Variants in ANO3 observed in about 807,000 individuals in gnomAD.
ANO3 encodes the protein anoctamin-3.
In ANO3, 99 loss-of-function variants were observed where a neutral mutation model predicts 144.8. The ratio of observed to expected loss-of-function variants is 0.68; its 90% CI spans 0.58 to 0.81. ANO3 has a LOEUF of 0.81. Ranked by LOEUF, ANO3 falls within the 30% of genes least tolerant of loss-of-function variation. ANO3 has a pLI of 0.00. For missense variants in ANO3, 905 were observed against 1,202.2 expected, an observed-to-expected ratio of 0.75 and a Z score of 3.66; for synonymous variants, 414 against 392.6, an observed-to-expected ratio of 1.05 and a Z score of -0.64.
intron 1 of ANO3, among the ~76,000 whole-genome samples, chr11:26,421,257 C>G (rs1431200554): frequency 6.6e-6 from 1 of 152,024 alleles, no homozygotes; most frequent in Non-Finnish European, 1.5e-5. Flanking sequence ...AAAATGGCTA[C>G]ATAGCTCAAG....
chr11:26,509,245 C>T (rs1017824701), intron 5 of ANO3, among the ~76,000 whole-genome samples: 7 of 152,120 alleles, frequency 4.6e-5, no homozygotes, highest in South Asian at 2.1e-4. Context: ...ATTTACCCAG[C>T]TGTTCCGCTA....
At chr11:26,388,480 A>C (rs918076605) in intron 1 of ANO3, among the ~76,000 whole-genome samples, 1 of 152,172 alleles carries the variant, frequency 6.6e-6, no homozygotes, top group African/African-American at 2.4e-5. Flanking sequence ...TTTTATCTTT[A>C]TAATACCCCT....
In ANO3 at chr11:26,343,513, A is replaced by G. The variant is rs191399466; in HGVS notation, c.46+11192A>G. On this transcript the variant is annotated intron_variant, in intron 1 of 26. Coordinates refer to ENST00000256737, the MANE Select transcript of ANO3 (RefSeq NM_031418.4). ...GCCAATTTACATTTCCACCAAGAGTATGTAAGGATTCCCCTTTCTTCACAT... is the reference window on the plus strand; with the variant it reads ...GCCAATTTACATTTCCACCAAGAGTGTGTAAGGATTCCCCTTTCTTCACAT... Among the ~76,000 whole-genome samples, 10 of 152,326 alleles carry G rather than the reference A, an allele frequency of 6.6e-5. No homozygotes were observed. The East Asian group carries it at 1.9e-3, about 29-fold the overall frequency.
chr11:26,452,794 T>G (rs199822130), intron 3 of ANO3, among the ~76,000 whole-genome samples: 1 of 152,018 alleles, frequency 6.6e-6, no homozygotes, highest in Non-Finnish European at 1.5e-5. Context: ...TCACCAAAGT[T>G]AAATGAAGGA....
Position 26,236,589 on chromosome 11 carries a change from T to C in ANO3, c.154+47259T>C, listed in dbSNP as rs562517006. 1.6e-3 allele frequency among the ~76,000 whole-genome samples: 249 copies of C among 152,048 alleles called. 1 individual carries two copies. Among genetic ancestry groups the C allele is most frequent in the African/African-American group, 4.8e-3 (198 of 41,494 alleles). Reference sequence around the variant, plus strand: ...ATCCCAGCACTTTGGGAGGCCAAGGTGGGCGGATCACGAGGTCAGGAGACC... The same window carrying C: ...ATCCCAGCACTTTGGGAGGCCAAGGCGGGCGGATCACGAGGTCAGGAGACC... On this transcript the variant is annotated intron_variant, in intron 1 of 27. Coordinates refer to the ANO3 transcript ENST00000672621.
At chr11:26,657,829 T>C (rs1853741248) in intron 26 of ANO3, among the ~76,000 whole-genome samples, 1 of 152,224 alleles carries the variant, frequency 6.6e-6, no homozygotes, top group Admixed American at 6.5e-5. Context: ...TAGAACATTT[T>C]TTCTGTCTTC....
chr11:26,480,715 G>GAA (rs767201219), intron 4 of ANO3, among the ~76,000 whole-genome samples: 11,420 of 152,098 alleles, frequency 0.075, 603 homozygotes, highest in Admixed American at 0.13. Context: ...GGCTGAGGCA[G>GAA]GTTCATCAAT....
intron 4 of ANO3, among the ~76,000 whole-genome samples, chr11:26,497,859 T>C (rs909362739): frequency 6.6e-6 from 1 of 152,092 alleles, no homozygotes; most frequent in African/African-American, 2.4e-5. Context: ...AACTTGATCT[T>C]TTAGCATATA....
intron 9 of ANO3, 126 bp downstream of exon 9, chr11:26,534,688 C>T: frequency 1.7e-6 from 1 of 597,212 alleles, no homozygotes; most frequent in Non-Finnish European, 2.9e-6. Flanking sequence ...ATATTGAACA[C>T]ACACTCTATA....
intron 1 of ANO3, among the ~76,000 whole-genome samples, chr11:26,415,691 A>T (rs1857565184): frequency 6.6e-6 from 1 of 152,122 alleles, no homozygotes; most frequent in African/African-American, 2.4e-5. Context: ...ACACTGAAAG[A>T]AAACCTATCA....
intron 1 of ANO3, among the ~76,000 whole-genome samples, chr11:26,266,726 C>T (rs1372366962): frequency 1.3e-5 from 2 of 150,966 alleles, no homozygotes; most frequent in East Asian, 4.0e-4. Flanking sequence ...ATCCACCGTG[C>T]CCGGCCACCA....
intron 1 of ANO3, among the ~76,000 whole-genome samples, chr11:26,334,320 A>G (rs921844482): frequency 6.6e-6 from 1 of 152,260 alleles, no homozygotes; most frequent in African/African-American, 2.4e-5. Context: ...CATGGGCATT[A>G]GGAAAAAAAC....
chr11:26,506,070 TA>T (rs796917096), intron 4 of ANO3, among the ~76,000 whole-genome samples: 2 of 150,028 alleles, frequency 1.3e-5, no homozygotes, highest in African/African-American at 2.4e-5. Context: ...GTGACATTGT[TA>T]AAAAAAAGTG....
chr11:26,582,072 T>C (rs554083325), intron 14 of ANO3, among the ~76,000 whole-genome samples: 1 of 152,212 alleles, frequency 6.6e-6, no homozygotes, highest in Non-Finnish European at 1.5e-5. Context: ...AATTTTATCA[T>C]CATTTAGTAA....
chr11:26,451,508 T>G (rs554750473), intron 3 of ANO3, among the ~76,000 whole-genome samples: 1 of 152,142 alleles, frequency 6.6e-6, no homozygotes, highest in South Asian at 2.1e-4. Context: ...GAGATCAAAC[T>G]GCAAGGCGGC....
chr11:26,467,446 A>C (rs1277841789), intron 4 of ANO3, among the ~76,000 whole-genome samples: 2 of 151,804 alleles, frequency 1.3e-5, no homozygotes, highest in African/African-American at 4.8e-5. Context: ...TACATTTCCC[A>C]AACCCTGGTA....
chr11:26,239,198 GCTT>G (rs1039875519), intron 1 of ANO3, among the ~76,000 whole-genome samples: 1 of 151,766 alleles, frequency 6.6e-6, no homozygotes, highest in Non-Finnish European at 1.5e-5. Context: ...ATAATGCATT[GCTT>G]CTTTAGGCAG....
chr11:26,362,851 C>T (rs1855964445), intron 1 of ANO3, among the ~76,000 whole-genome samples: 2 of 152,156 alleles, frequency 1.3e-5, no homozygotes, highest in Admixed American at 1.3e-4. Context: ...TCAACATCAA[C>T]AGTACCTCAT....
chr11:26,505,381 C>T (rs1861384595), intron 4 of ANO3, among the ~76,000 whole-genome samples: 2 of 152,026 alleles, frequency 1.3e-5, no homozygotes, highest in Admixed American at 1.3e-4. Context: ...CATTAGACAT[C>T]CAAGTGAAGA....
Sources: gnomAD v4.1 joint callset for allele counts (sites outside exome capture counted in the v4.1 genomes callset) on GRCh38, gnomAD v4.1.1 for gene constraint, MANE v1.5 for transcripts, NCBI Gene and HGNC (gene_info 2026-07-23, HGNC 2026-07-21) for gene names.